SKA1: variants seen among roughly 807,000 people sequenced by gnomAD.
The protein encoded by SKA1 is SKA complex subunit 1.
SKA1 carries 20 observed loss-of-function variants against 31.8 expected under a neutral mutation model. The ratio of observed to expected loss-of-function variants is 0.63; its 90% CI spans 0.44 to 0.91. The LOEUF is 0.91. SKA1 is among the 40% of genes least tolerant of loss of function. The pLI, the probability that SKA1 is intolerant of heterozygous loss-of-function variation, is 0.00. For missense variants in SKA1, 253 were observed against 298.2 expected (o/e 0.85, Z 1.12); for synonymous variants, 88 against 100.5 (o/e 0.88, Z 0.74).
rs2041357560 is a variant in SKA1, at chr18:50,391,587, T to G, written c.619+294T>G. Reference sequence around the variant, plus strand: ...CTCACAGTGTCTGTAGTGCTGAGCCTGAGAAACATTGCTTTAGAGTCTATT... The same window carrying G: ...CTCACAGTGTCTGTAGTGCTGAGCCGGAGAAACATTGCTTTAGAGTCTATT... On this transcript the variant is annotated intron_variant, in intron 6 of 6. Coordinates refer to ENST00000285116, the MANE Select transcript of SKA1 (RefSeq NM_145060.4). Among the ~76,000 whole-genome samples the G allele has an allele frequency of 2.6e-5, 4 of 152,212 alleles. No individual in the cohort carries two copies. In the South Asian group the frequency reaches 8.3e-4, roughly 31 times the overall value.
At chr18:50,384,871 T>TAAAAAAAAAAAAAAAAAAAAAAAA (rs10608403) in intron 4 of SKA1, among the ~76,000 whole-genome samples, 3 of 82,600 alleles carry the variant, frequency 3.6e-5, no homozygotes, top group African/African-American at 5.5e-5. Flanking sequence ...AAAAAAAAAT[T>TAAAAAAAAAAAAAAAAAAAAAAAA]AAAAAAAAAA....
At chr18:50,387,507 T>C (rs973266653) in intron 5 of SKA1, among the ~76,000 whole-genome samples, 1 of 152,234 alleles carries the variant, frequency 6.6e-6, no homozygotes, top group African/African-American at 2.4e-5. Flanking sequence ...CTGTATGTTA[T>C]ACTTTTTTTG....
intron 4 of SKA1, among the ~76,000 whole-genome samples, chr18:50,383,853 T>G (rs1457395917): frequency 5.3e-5 from 8 of 152,208 alleles, no homozygotes; most frequent in Admixed American, 3.9e-4. Flanking sequence ...TCAGCCAGTC[T>G]CACAGTGGAA....
chr18:50,384,733 CA>C, intron 4 of SKA1, among the ~76,000 whole-genome samples: 1 of 130,500 alleles, frequency 7.7e-6, no homozygotes, highest in African/African-American at 3.8e-5. Flanking sequence ...GGAGGGATAG[CA>C]TTGGGAGATA....
At position 50,384,522 on chromosome 18, in the gene SKA1, A is replaced by G. The variant is rs537165959; in HGVS notation, c.312-694A>G. ...ATGATCATTGCTGGCAACTAAAATG[A>G]CTCCGCAATACACAGGGACTGACAT... On this transcript the variant is annotated intron_variant, in intron 4 of 6. Transcript: ENST00000285116. 7.9e-5 allele frequency among the ~76,000 whole-genome samples: 12 copies of G among 152,080 alleles called. No homozygotes were observed. The South Asian group carries it at 2.1e-3, about 26-fold the overall frequency.
intron 2 of SKA1, among the ~76,000 whole-genome samples, chr18:50,378,030 T>A (rs770906694): frequency 3.9e-5 from 6 of 152,336 alleles, no homozygotes; most frequent in African/African-American, 1.4e-4. Flanking sequence ...GGGCGACAGT[T>A]TCTGTTTCTT....
rs150926233 is a variant in SKA1 at position 50,382,891 on chromosome 18, A to G, written c.311+665A>G. On this transcript the variant is annotated intron_variant, in intron 4 of 6. Transcript: ENST00000285116. ...CTGCTAAAAATACAAAAAATTAGCCAGACACAGTGGCACACCCCTGTAGTC... is the reference window on the plus strand; with the variant it reads ...CTGCTAAAAATACAAAAAATTAGCCGGACACAGTGGCACACCCCTGTAGTC... Among the ~76,000 whole-genome samples the G allele has an allele frequency of 3.8e-3, 586 of 152,254 alleles. 15 individuals carry two copies. Among genetic ancestry groups the G allele is most frequent in the Admixed American group, 0.033 (497 of 15,290 alleles).
Position 50,392,722 on chromosome 18 carries a change from T to C in SKA1, c.*475T>C, listed in dbSNP as rs2041368626. On this transcript the variant is annotated 3_prime_UTR_variant, in exon 7 of 7. Coordinates refer to ENST00000285116, the MANE Select transcript of SKA1 (RefSeq NM_145060.4). Reference sequence around the variant, plus strand: ...TTTTTGGATAAAGCTTATTTCTTGTTTTTTTCTTTTTCTTTTTTTTTTTTT... The same window carrying C: ...TTTTTGGATAAAGCTTATTTCTTGTCTTTTTCTTTTTCTTTTTTTTTTTTT... 1 of 131,628 alleles carries C rather than the reference T, an allele frequency of 7.6e-6. No homozygotes were observed. The highest frequency in any genetic ancestry group is 1.5e-5 in the Non-Finnish European group (1 of 64,814). 8.2% of individuals were successfully genotyped at this position (131,628 alleles called of 1,614,324 possible). A position where few individuals can be genotyped will look rare whatever the true frequency, so the allele number is the denominator to read the frequency against.
intron 2 of SKA1, 91 bp downstream of exon 2, chr18:50,376,009 G>A (rs1263380378): frequency 4.1e-6 from 3 of 731,186 alleles, no homozygotes; most frequent in African/African-American, 1.8e-5. Flanking sequence ...TTAAGTGACT[G>A]CATCTTAGGT....
intron 2 of SKA1, among the ~76,000 whole-genome samples, chr18:50,379,835 A>G (rs1307216269): frequency 6.6e-6 from 1 of 152,178 alleles, no homozygotes; most frequent in Admixed American, 6.5e-5. Flanking sequence ...TGGACGTAGA[A>G]GGATGCTTGT....
At chr18:50,390,388 T>C (rs2041347068) in intron 5 of SKA1, among the ~76,000 whole-genome samples, 1 of 152,232 alleles carries the variant, frequency 6.6e-6, no homozygotes, top group African/African-American at 2.4e-5. Context: ...GTTTTGTTTT[T>C]GGTGTGTTCA....
intron 5 of SKA1, among the ~76,000 whole-genome samples, chr18:50,389,598 T>A (rs2041341310): frequency 6.6e-6 from 1 of 152,042 alleles, no homozygotes; most frequent in Non-Finnish European, 1.5e-5. Context: ...GTTTCAGCCA[T>A]GTTGGCCAGG....
At chr18:50,377,816 C>T (rs970944294) in intron 2 of SKA1, among the ~76,000 whole-genome samples, 10 of 152,286 alleles carry the variant, frequency 6.6e-5, no homozygotes, top group African/African-American at 2.2e-4. Flanking sequence ...CTCTCAGGGA[C>T]GTTGATATTC....
At chr18:50,385,420 C>A in intron 5 of SKA1, 67 bp downstream of exon 5, 2 of 1,294,190 alleles carry the variant, frequency 1.5e-6, no homozygotes, top group Non-Finnish European at 2.1e-6. Context: ...AATAATAAAG[C>A]TTAATTATAT....
intron 5 of SKA1, among the ~76,000 whole-genome samples, chr18:50,389,339 G>A (rs1164145062): frequency 2.0e-5 from 3 of 150,752 alleles, no homozygotes; most frequent in Non-Finnish European, 2.9e-5. Context: ...CTTTTTCTGG[G>A]GGGGAGAGGG....
chr18:50,378,998 A>G lies in SKA1; in HGVS notation c.89-1128A>G, dbSNP rs971674097. Among the ~76,000 whole-genome samples, 19 of 152,192 alleles carry G rather than the reference A, an allele frequency of 1.2e-4. 1 individual carries two copies. Among genetic ancestry groups the G allele is most frequent in the Admixed American group, 1.2e-3 (19 of 15,278 alleles). ...ACTTTCACCTATCTTCACAGTAATG[A>G]GGTAGGTACTTGGTGTCTCTGACTT... On this transcript the variant is annotated intron_variant, in intron 2 of 6. Transcript: ENST00000285116.
In SKA1 at chr18:50,385,298, A is replaced by G. The variant is rs747697263; in HGVS notation, c.394A>G (p.Arg132Gly). The change falls in exon 5 of 7, where the codon AGA becomes GGA. Residue 132 changes from arginine (R) to glycine (G), a missense_variant. Arg to Gly is a moderately radical substitution (Grantham distance 125). Coordinates refer to ENST00000285116, the MANE Select transcript of SKA1 (RefSeq NM_145060.4). Reference protein sequence around the residue: ...EPVKKPPKEQRSIKEMPFITC... With the variant: ...EPVKKPPKEQGSIKEMPFITC... The stretch of plus-strand genomic sequence containing the variant: ...CGTAAAGAAGCCTCCCAAAGAGCAA[A>G]GAAGTATTAAGGAAATGCCATTTAT... 4.3e-6 allele frequency: 7 copies of G among 1,613,584 alleles called. No individual in the cohort carries two copies.
intron 3 of SKA1, 81 bp from the exon 4 acceptor site, chr18:50,382,048 C>G: frequency 1.2e-6 from 1 of 859,208 alleles, no homozygotes; most frequent in Non-Finnish European, 1.8e-6. Context: ...TTATGGTTCA[C>G]TGTTTTCCCT....
chr18:50,384,632 C>T (rs1163008847), intron 4 of SKA1, among the ~76,000 whole-genome samples: 2 of 142,786 alleles, frequency 1.4e-5, no homozygotes, highest in Non-Finnish European at 3.0e-5. Flanking sequence ...GTCAGGAAGA[C>T]AAGCTGTTAA....
Sources: gnomAD v4.1 joint callset for allele counts (sites outside exome capture counted in the v4.1 genomes callset) on GRCh38, gnomAD v4.1.1 for gene constraint, MANE v1.5 for transcripts, NCBI Gene and HGNC (gene_info 2026-07-23, HGNC 2026-07-21) for gene names.